Variants in NFAT5 observed in about 807,000 individuals in gnomAD.
NFAT5 encodes nuclear factor of activated T cells 5.
Under a neutral mutation model 166.5 loss-of-function variants are expected in NFAT5, and 31 were observed. The ratio of observed to expected loss-of-function variants is 0.19; its 90% CI spans 0.14 to 0.25. The LOEUF is 0.25. NFAT5 is among the 10% of genes least tolerant of loss of function. The probability of loss-of-function intolerance (pLI) is 1.00; values close to 1 mark genes in which losing one functional copy is unlikely to be tolerated. For missense variants in NFAT5, 1,449 were observed against 1,821.8 expected, an observed-to-expected ratio of 0.80 and a Z score of 3.72; for synonymous variants, 612 against 639.7, an observed-to-expected ratio of 0.96 and a Z score of 0.65.
At chr16:69,578,721 CACTGAA>C (rs1289837158) in intron 2 of NFAT5, among the ~76,000 whole-genome samples, 1 of 151,664 alleles carries the variant, frequency 6.6e-6, no homozygotes, top group Non-Finnish European at 1.5e-5. Flanking sequence ...CATTCTGAAA[CACTGAA>C]ACAAAGATTT....
intron 11 of NFAT5, among the ~76,000 whole-genome samples, chr16:69,690,069 T>C (rs1363083356): frequency 2.6e-5 from 4 of 152,194 alleles, no homozygotes; most frequent in African/African-American, 7.2e-5. Flanking sequence ...CTCAGAAGAC[T>C]GTCATTAGCA....
intron 2 of NFAT5, among the ~76,000 whole-genome samples, chr16:69,595,621 T>G (rs768501131): frequency 3.9e-5 from 6 of 152,220 alleles, no homozygotes; most frequent in Non-Finnish European, 8.8e-5. Context: ...TCTTTTTCAT[T>G]CTTTCGCAGT....
intron 10 of NFAT5, among the ~76,000 whole-genome samples, chr16:69,679,207 A>G (rs1301427439): frequency 6.6e-6 from 1 of 152,116 alleles, no homozygotes; most frequent in Non-Finnish European, 1.5e-5. Context: ...CTGGGATTAC[A>G]GGCGTGAGCC....
At chr16:69,629,206 C>G (rs757736839) in intron 3 of NFAT5, among the ~76,000 whole-genome samples, 1 of 152,184 alleles carries the variant, frequency 6.6e-6, no homozygotes, top group Admixed American at 6.5e-5. Flanking sequence ...ACTTCTAGTT[C>G]TGCCATAAAG....
At chr16:69,586,019 A>G (rs2032039736) in intron 2 of NFAT5, among the ~76,000 whole-genome samples, 1 of 152,096 alleles carries the variant, frequency 6.6e-6, no homozygotes, top group African/African-American at 2.4e-5. Context: ...TTTTATGTAT[A>G]ATTTACTGCA....
chr16:69,570,640 G>A (rs913426519), intron 2 of NFAT5, among the ~76,000 whole-genome samples: 1 of 151,570 alleles, frequency 6.6e-6, no homozygotes, highest in Non-Finnish European at 1.5e-5. Flanking sequence ...ACTATTTCTT[G>A]GAATATTCTA....
intron 9 of NFAT5, among the ~76,000 whole-genome samples, chr16:69,674,406 A>G (rs542103358): frequency 6.6e-6 from 1 of 152,054 alleles, no homozygotes; most frequent in African/African-American, 2.4e-5. Context: ...CATTATGTCT[A>G]TTCCCTTTTA....
intron 2 of NFAT5, among the ~76,000 whole-genome samples, chr16:69,585,885 G>T (rs2032027963): frequency 6.6e-6 from 1 of 152,162 alleles, no homozygotes; most frequent in African/African-American, 2.4e-5. Context: ...ATAGTTAAAT[G>T]GGTACAGAGT....
chr16:69,594,639 T>C (rs1482061708), intron 2 of NFAT5, among the ~76,000 whole-genome samples: 1 of 152,200 alleles, frequency 6.6e-6, no homozygotes, highest in East Asian at 1.9e-4. Flanking sequence ...GGCACATGAC[T>C]GTACTATGTT....
At chr16:69,659,322 A>G (rs2036026293) in intron 6 of NFAT5, among the ~76,000 whole-genome samples, 1 of 151,782 alleles carries the variant, frequency 6.6e-6, no homozygotes, top group Non-Finnish European at 1.5e-5. Flanking sequence ...GCCACCTGTA[A>G]TCCCAGCTAC....
intron 2 of NFAT5, among the ~76,000 whole-genome samples, chr16:69,579,026 C>A (rs1368841374): frequency 6.6e-6 from 1 of 152,000 alleles, no homozygotes; most frequent in Non-Finnish European, 1.5e-5. Flanking sequence ...AGGCCTGCAC[C>A]ACTACACCTG....
intron 7 of NFAT5, among the ~76,000 whole-genome samples, chr16:69,669,416 G>T (rs528582491): frequency 6.6e-6 from 1 of 152,238 alleles, no homozygotes; most frequent in South Asian, 2.1e-4. Context: ...GTGGTAGTGT[G>T]CATCTGTAAT....
chr16:69,571,148 AAAAAAAAAAG>A (rs1353113365), intron 2 of NFAT5, among the ~76,000 whole-genome samples: 5 of 148,570 alleles, frequency 3.4e-5, no homozygotes, highest in African/African-American at 1.2e-4. Flanking sequence ...AAAAAAAAAA[AAAAAAAAAAG>A]CCAGGCATGG....
chr16:69,669,226 C>T (rs2036527245), intron 7 of NFAT5, among the ~76,000 whole-genome samples: 1 of 152,112 alleles, frequency 6.6e-6, no homozygotes, highest in African/African-American at 2.4e-5. Flanking sequence ...ATTGTATTGG[C>T]ACTCAAAAAG....
intron 9 of NFAT5, chr16:69,676,971 G>C: frequency 2.4e-6 from 1 of 420,448 alleles, no homozygotes; most frequent in Non-Finnish European, 4.2e-6. Flanking sequence ...ATGAGATGAA[G>C]TTGACAGGGC....
At chr16:69,581,069 TCTCA>T (rs1413843254) in intron 2 of NFAT5, among the ~76,000 whole-genome samples, 30 of 152,180 alleles carry the variant, frequency 2.0e-4, no homozygotes, top group African/African-American at 6.3e-4. Flanking sequence ...TGAGACAGGG[TCTCA>T]CTCTATCACC....
chr16:69,591,174 T>C (rs889867145), intron 2 of NFAT5, among the ~76,000 whole-genome samples: 1 of 152,148 alleles, frequency 6.6e-6, no homozygotes, highest in Non-Finnish European at 1.5e-5. Context: ...TCAGGTGATA[T>C]GCCTGCTTTG....
rs772781064 is a variant in NFAT5 at position 69,692,446 on chromosome 16, G to C, written c.2621G>C (p.Arg874Thr). The change falls in exon 13 of 15, where the codon AGA becomes ACA. Residue 874 changes from arginine to threonine, a missense_variant. Transcript: ENST00000349945. ...TCAACAGAGCCAACAGTCCATACCA[G>C]ACCAGATAATTTATTACCTGGAAGA... ...FSSTEPTVHT[R>T]PDNLLPGRAE... 1 of 1,614,148 alleles carries C rather than the reference G, an allele frequency of 6.2e-7. No individual in the cohort carries two copies. The highest frequency in any genetic ancestry group is 1.3e-5 in the African/African-American group (1 of 75,028).
chr16:69,664,442 G>A (rs1052921781), intron 7 of NFAT5, among the ~76,000 whole-genome samples: 15 of 151,916 alleles, frequency 9.9e-5, no homozygotes, highest in African/African-American at 3.1e-4. Context: ...CCATTACCAC[G>A]CCTGGCTAAT....
Sources: gnomAD v4.1 joint callset for allele counts (sites outside exome capture counted in the v4.1 genomes callset) on GRCh38, gnomAD v4.1.1 for gene constraint, MANE v1.5 for transcripts, NCBI Gene and HGNC (gene_info 2026-07-23, HGNC 2026-07-21) for gene names.